Variants in PLPP7 observed in about 807,000 individuals in gnomAD.
PLPP7 encodes phospholipid phosphatase 7 (inactive).
In PLPP7, 11 loss-of-function variants were observed where a neutral mutation model predicts 16.9. That is an observed-to-expected ratio of 0.65 (90% CI 0.41 to 1.08). The LOEUF is 1.08. Ranked by LOEUF, PLPP7 falls within the 50% of genes least tolerant of loss-of-function variation. The pLI is 0.00. For missense variants in PLPP7, 358 were observed against 397.1 expected, an observed-to-expected ratio of 0.90 and a Z score of 0.84; for synonymous variants, 174 against 175.1, an observed-to-expected ratio of 0.99 and a Z score of 0.05.
chr9:131,296,500 G>A (rs992030424), intron 1 of PLPP7, among the ~76,000 whole-genome samples: 15 of 152,062 alleles, frequency 9.9e-5, no homozygotes, highest in East Asian at 3.9e-4. Context: ...GTGATCCTCC[G>A]GTCTTGGCTT....
In PLPP7 at chr9:131,289,979, C is replaced by A; in HGVS notation, c.-19C>A. 1 of 1,420,930 alleles carries A rather than the reference C, an allele frequency of 7.0e-7. No individual in the cohort carries two copies. Among genetic ancestry groups the A allele is most frequent in the Non-Finnish European group, 9.2e-7 (1 of 1,092,428 alleles). 88.0% of individuals were successfully genotyped at this position (1,420,930 alleles called of 1,614,324 possible). A position where few individuals can be genotyped will look rare whatever the true frequency, so the allele number is the denominator to read the frequency against. On this transcript the variant is annotated 5_prime_UTR_variant, in exon 1 of 2. Coordinates refer to ENST00000372264, the MANE Select transcript of PLPP7 (RefSeq NM_032728.4). ...GGAGCCGGGCTGGCATCGGCCTTCT[C>A]GGGGTGAGCGAGGTCACCATGCCAG...
intron 1 of PLPP7, among the ~76,000 whole-genome samples, chr9:131,303,332 TAAAAAAAA>T (rs34474446): frequency 1.0e-5 from 1 of 99,176 alleles, no homozygotes. Flanking sequence ...AACTCTGTCT[TAAAAAAAA>T]AAAAAAAAAA....
chr9:131,297,755 G>C (rs746272875), intron 1 of PLPP7, among the ~76,000 whole-genome samples: 1 of 152,180 alleles, frequency 6.6e-6, no homozygotes, highest in African/African-American at 2.4e-5. Context: ...TTAAAGTGCA[G>C]AATTACAAGA....
At chr9:131,300,162 T>A (rs1423857766) in intron 1 of PLPP7, among the ~76,000 whole-genome samples, 2 of 152,234 alleles carry the variant, frequency 1.3e-5, no homozygotes, top group Non-Finnish European at 2.9e-5. Flanking sequence ...TGCTCCCTGT[T>A]GCCTTCTGCA....
chr9:131,302,332 C>G (rs1163974095), intron 1 of PLPP7, among the ~76,000 whole-genome samples: 2 of 152,194 alleles, frequency 1.3e-5, no homozygotes, highest in Non-Finnish European at 2.9e-5. Flanking sequence ...TGAGAGGGCT[C>G]CCTGGGCTGG....
At chr9:131,306,119 C>T (rs1317460714) in intron 1 of PLPP7, among the ~76,000 whole-genome samples, 1 of 152,096 alleles carries the variant, frequency 6.6e-6, no homozygotes, top group East Asian at 1.9e-4. Flanking sequence ...CGCCTGTAGT[C>T]CCAGCTACTC....
In PLPP7 at chr9:131,290,172, C is replaced by T. The variant is rs905072734; in HGVS notation, c.175C>T (p.Arg59Ter). 4.4e-6 allele frequency: 7 copies of T among 1,578,776 alleles called. No individual in the cohort carries two copies. The highest frequency in any genetic ancestry group is 2.7e-5 in the African/African-American group (2 of 74,256). The change falls in exon 1 of 2, where the codon CGA becomes TGA. Residue 59 changes from arginine (R) to a stop codon, truncating the protein, a stop_gained. Transcript: ENST00000372264. LOFTEE classifies it high-confidence loss of function. The surrounding 1 kb of genome is among the most constrained non-coding windows in gnomAD (Gnocchi z 4.2). ...PPPAGDGARE[R>*]RQSQQLPEED... ...ACCTGCTGGTGACGGGGCCAGAGAG[C>T]GACGCCAGTCACAGCAGCTGCCAGA...
At chr9:131,293,737 T>A (rs1194347480) in intron 1 of PLPP7, among the ~76,000 whole-genome samples, 1 of 152,212 alleles carries the variant, frequency 6.6e-6, no homozygotes, top group Non-Finnish European at 1.5e-5. Flanking sequence ...TCTCTGAGCC[T>A]CAGTTTCCCT....
intron 1 of PLPP7, among the ~76,000 whole-genome samples, chr9:131,304,510 C>G (rs576289917): frequency 6.6e-6 from 1 of 152,162 alleles, no homozygotes; most frequent in Non-Finnish European, 1.5e-5. Context: ...TGTCAGGTAC[C>G]TGTTGTCCTG....
intron 1 of PLPP7, among the ~76,000 whole-genome samples, chr9:131,293,219 G>A (rs974023653): frequency 7.0e-6 from 1 of 142,564 alleles, no homozygotes; most frequent in Non-Finnish European, 1.5e-5. Context: ...CCCACTCCTC[G>A]CTGCTCACCG....
rs1268669608 is a variant in PLPP7 at position 131,290,686 on chromosome 9, G to A, written c.451+238G>A. Reference sequence around the variant, plus strand: ...GCCAAATGAAGACAGAGGCCATTGCGGCCCTGTGAGAAGGACCTGCTCAGC... The same window carrying A: ...GCCAAATGAAGACAGAGGCCATTGCAGCCCTGTGAGAAGGACCTGCTCAGC... On this transcript the variant is annotated intron_variant, in intron 1 of 1. Coordinates refer to ENST00000372264, the MANE Select transcript of PLPP7 (RefSeq NM_032728.4). This position sits in a 1 kb window ranked among gnomAD's most constrained non-coding sequence, Gnocchi z 4.2. Among the ~76,000 whole-genome samples, 2 of 152,222 alleles carry A rather than the reference G, an allele frequency of 1.3e-5. No individual in the cohort carries two copies. Among genetic ancestry groups the A allele is most frequent in the Non-Finnish European group, 2.9e-5 (2 of 68,030 alleles).
intron 1 of PLPP7, among the ~76,000 whole-genome samples, chr9:131,302,067 C>T (rs1326432300): frequency 1.3e-5 from 2 of 152,132 alleles, no homozygotes; most frequent in Non-Finnish European, 2.9e-5. Context: ...GCTCCGTCCA[C>T]CTCGGCCTCC....
rs1048981768 is a variant in PLPP7, at chr9:131,290,168, A to G, written c.171A>G (p.Arg57=). ...AQPPPAGDGA[R]ERRQSQQLPE... is the part of the protein sequence containing the mutation. ...CCCCACCTGCTGGTGACGGGGCCAG[A>G]GAGCGACGCCAGTCACAGCAGCTGC... The change falls in exon 1 of 2, where the codon AGA becomes AGG. Residue 57 remains arginine (R), a synonymous_variant. Transcript: ENST00000372264. The surrounding 1 kb of genome is among the most constrained non-coding windows in gnomAD (Gnocchi z 4.2). The G allele has an allele frequency of 1.3e-6, 2 of 1,578,456 alleles. No individual in the cohort carries two copies. The highest frequency in any genetic ancestry group is 1.7e-5 in the Admixed American group (1 of 57,554).
At chr9:131,292,767 T>C in intron 1 of PLPP7, 1 of 956,902 alleles carries the variant, frequency 1.0e-6, no homozygotes, top group Non-Finnish European at 1.2e-6. Context: ...AAAATAGCTC[T>C]GCTTTGTTTT....
intron 1 of PLPP7, among the ~76,000 whole-genome samples, chr9:131,302,679 CTG>C (rs1451671381): frequency 1.3e-5 from 2 of 152,226 alleles, no homozygotes; most frequent in African/African-American, 4.8e-5. Context: ...GCCAGCTCCT[CTG>C]TGTACCTGCT....
In PLPP7 at chr9:131,291,667, C is replaced by T. The variant is rs551222222; in HGVS notation, c.451+1219C>T. Among the ~76,000 whole-genome samples the T allele has an allele frequency of 7.0e-4, 107 of 151,932 alleles. 1 individual carries two copies. The highest frequency in any genetic ancestry group is 2.4e-3 in the African/African-American group (98 of 41,408). On this transcript the variant is annotated intron_variant, in intron 1 of 1. Coordinates refer to ENST00000372264, the MANE Select transcript of PLPP7 (RefSeq NM_032728.4). The stretch of plus-strand genomic sequence containing the variant: ...ACAACCTTCAGCTCACTACAACCTC[C>T]GCCTCCCGGGTTCAAGCAATTCTCC...
intron 1 of PLPP7, among the ~76,000 whole-genome samples, chr9:131,298,678 G>A (rs1835762672): frequency 6.6e-6 from 1 of 152,230 alleles, no homozygotes; most frequent in South Asian, 2.1e-4. Context: ...AATTTTCAGA[G>A]GCCTCAGGAG....
At position 131,306,354 on chromosome 9, in the gene PLPP7, C is replaced by G. The variant is rs569316935; in HGVS notation, c.452-1569C>G. On this transcript the variant is annotated intron_variant, in intron 1 of 1. Coordinates refer to ENST00000372264, the MANE Select transcript of PLPP7 (RefSeq NM_032728.4). ...GTCAGGAGTTTGAGACCAGCCTGGC[C>G]AACATGGCAAAGCCCCGTCTCTACT... is the stretch of plus-strand genomic sequence containing the variant. Among the ~76,000 whole-genome samples the G allele has an allele frequency of 7.3e-5, 11 of 151,092 alleles. No individual in the cohort carries two copies. The South Asian group carries it at 2.3e-3, about 32-fold the overall frequency.
chr9:131,293,963 C>G lies in PLPP7; in HGVS notation c.451+3515C>G, dbSNP rs367720595. Reference sequence around the variant, plus strand: ...AAGACCTCCGAGCTTGCAGTTGGGACCTGGGTTCCACTTGGCTCTGAAGAG... The same window carrying G: ...AAGACCTCCGAGCTTGCAGTTGGGAGCTGGGTTCCACTTGGCTCTGAAGAG... On this transcript the variant is annotated intron_variant, in intron 1 of 1. Coordinates refer to ENST00000372264, the MANE Select transcript of PLPP7 (RefSeq NM_032728.4). Among the ~76,000 whole-genome samples, 393 of 152,290 alleles carry G rather than the reference C, an allele frequency of 2.6e-3. 1 individual carries two copies. The highest frequency in any genetic ancestry group is 9.1e-3 in the African/African-American group (380 of 41,570).
Sources: allele counts gnomAD v4.1 joint callset (sites outside exome capture counted in the v4.1 genomes callset), GRCh38; gene constraint gnomAD v4.1.1; non-coding constraint Gnocchi (gnomAD v3.1); transcripts MANE v1.5; gene names NCBI Gene and HGNC (gene_info 2026-07-23, HGNC 2026-07-21).